BDP1: variants seen among roughly 807,000 people sequenced by gnomAD.
The protein encoded by BDP1 is BDP1 general transcription factor IIIB subunit.
Under a neutral mutation model 266.6 loss-of-function variants are expected in BDP1, and 169 were observed. That is an observed-to-expected ratio of 0.63 (90% CI 0.56 to 0.72). The LOEUF (loss-of-function observed/expected upper bound fraction) is 0.72. Among genes scored for constraint, BDP1 ranks in the 30% least tolerant of loss-of-function variants. The probability of loss-of-function intolerance (pLI) is 0.00; values close to 1 mark genes in which losing one functional copy is unlikely to be tolerated. For synonymous variants in BDP1, 1,090 were observed against 1,022.4 expected, an observed-to-expected ratio of 1.07 and a Z score of -1.26; for missense variants, 3,015 against 3,053.8, an observed-to-expected ratio of 0.99 and a Z score of 0.30.
chr5:71,508,525 C>A (rs181568798), intron 16 of BDP1, among the ~76,000 whole-genome samples: 20 of 151,256 alleles, frequency 1.3e-4, no homozygotes, highest in Admixed American at 1.1e-3. Flanking sequence ...TGGGCTCAAG[C>A]CATCTGCTTC....
At chr5:71,473,525 G>A (rs975386292) in intron 7 of BDP1, among the ~76,000 whole-genome samples, 7 of 151,744 alleles carry the variant, frequency 4.6e-5, no homozygotes, top group Admixed American at 1.3e-4. Flanking sequence ...CGCCTGCCTC[G>A]GCCTCCCAAA....
intron 14 of BDP1, among the ~76,000 whole-genome samples, chr5:71,502,191 T>C (rs1354623154): frequency 2.3e-4 from 17 of 72,796 alleles, no homozygotes; most frequent in Admixed American, 9.6e-4. Flanking sequence ...TTCTCTCTCT[T>C]TTTTTTTTTT....
chr5:71,516,263 T>C lies in BDP1; in HGVS notation c.4852T>C (p.Leu1618=), dbSNP rs753243447. 2 of 1,610,516 alleles carry C rather than the reference T, an allele frequency of 1.2e-6. No individual in the cohort carries two copies. The highest frequency in any genetic ancestry group is 8.5e-7 in the Non-Finnish European group (1 of 1,177,708). Residue 1618 remains leucine (L), a synonymous_variant, in exon 21 of 39, where the codon TTA becomes CTA. Coordinates refer to ENST00000358731, the MANE Select transcript of BDP1 (RefSeq NM_018429.3). ...AAAAGATGAAACTGAAAAGAAAGTC[T>C]TAACTGTGGTGAGTTATTGTTATGT... The part of the protein sequence containing the change: ...LPKDETEKKV[L]TVSNSQIETE...
chr5:71,515,270 TATA>T (rs1765159534), intron 20 of BDP1, 148 bp downstream of exon 20: 4 of 647,408 alleles, frequency 6.2e-6, no homozygotes, highest in Non-Finnish European at 1.0e-5. Context: ...CTGCCTAAAA[TATA>T]ATATCAGATT....
rs182873139 is a variant in BDP1 at position 71,464,096 on chromosome 5, C to T, written c.638C>T (p.Ser213Leu). Reference sequence around the variant, plus strand: ...CAAGAAAAGAAAACTGAAAAGCCATCGACTCCAGTCCAGACAAGAGAGTAA... The same window carrying T: ...CAAGAAAAGAAAACTGAAAAGCCATTGACTCCAGTCCAGACAAGAGAGTAA... ...LEQEKKTEKP[S>L]TPVQTREQEG... The change falls in exon 4 of 39, where the codon TCG becomes TTG. Residue 213 changes from serine to leucine, a missense_variant. This residue lies in a region of BDP1 where 2,383 missense variants were observed against 2,404.9 expected (regional missense o/e 0.99). Coordinates refer to ENST00000358731, the MANE Select transcript of BDP1 (RefSeq NM_018429.3). 5,768 of 1,578,762 alleles carry T rather than the reference C, an allele frequency of 3.7e-3. 23 individuals are homozygous for T. The highest frequency in any genetic ancestry group is 4.5e-3 in the Non-Finnish European group (5,217 of 1,159,828).
downstream of BDP1, among the ~76,000 whole-genome samples, chr5:71,571,954 T>C (rs1744277765): frequency 6.6e-6 from 1 of 152,142 alleles, no homozygotes; most frequent in Non-Finnish European, 1.5e-5. Context: ...CACTGGAGGC[T>C]ACATGATCAA....
chr5:71,548,714 A>C lies in BDP1; in HGVS notation c.6777A>C (p.Gln2259His), dbSNP rs1191918031. ...CAACAAGTATTCCAGAAGTCCAACA[A>C]GAGAATATAATCAATCCTCAAGACC... ...YTPTSIPEVQ[Q>H]ENIINPQDLT... The change falls in exon 33 of 39, where the codon CAA becomes CAC. Residue 2259 changes from glutamine (Q) to histidine (H), a missense_variant. By Grantham distance (24) the Gln-to-His change is conservative. Around this residue, in one of 3 missense-constraint regions of BDP1, gnomAD observed 629 missense variants for 632.5 expected, o/e 0.99. Transcript: ENST00000358731. 6.2e-7 allele frequency: 1 copy of C among 1,608,026 alleles called. No individual in the cohort carries two copies. Among genetic ancestry groups the C allele is most frequent in the South Asian group, 1.1e-5 (1 of 90,806 alleles).
chr5:71,525,452 C>CA (rs1765768272), intron 25 of BDP1, among the ~76,000 whole-genome samples: 1 of 129,298 alleles, frequency 7.7e-6, no homozygotes, highest in Non-Finnish European at 1.7e-5. Context: ...TGACACCCCC[C>CA]ACCTCCCTCC....
At chr5:71,532,560 C>A in intron 26 of BDP1, 133 bp downstream of exon 26, 1 of 798,674 alleles carries the variant, frequency 1.3e-6, no homozygotes, top group Non-Finnish European at 1.9e-6. Flanking sequence ...AGCTGTTAGT[C>A]TGAGTAGTAA....
intron 13 of BDP1, among the ~76,000 whole-genome samples, chr5:71,498,855 C>T (rs1248238132): frequency 6.6e-6 from 1 of 151,906 alleles, no homozygotes. Context: ...TCCTAAGTAG[C>T]TGGGATTGCA....
chr5:71,501,434 A>T (rs1306749999), intron 13 of BDP1, 128 bp from the exon 14 acceptor site: 5 of 599,596 alleles, frequency 8.3e-6, no homozygotes, highest in African/African-American at 5.7e-5. Context: ...TTGGCCTCCC[A>T]AAGTGCTAGG....
intron 19 of BDP1, among the ~76,000 whole-genome samples, chr5:71,514,578 T>G (rs1287305632): frequency 6.6e-6 from 1 of 152,200 alleles, no homozygotes; most frequent in East Asian, 1.9e-4. Flanking sequence ...GTGAGCTTCT[T>G]TTTAGATCAG....
In BDP1 at chr5:71,501,579, T is replaced by G. The variant is rs1338327596; in HGVS notation, c.1974T>G (p.Asp658Glu). 6.3e-7 allele frequency: 1 copy of G among 1,591,408 alleles called. No individual in the cohort carries two copies. The highest frequency in any genetic ancestry group is 8.6e-7 in the Non-Finnish European group (1 of 1,165,360). Residue 658 changes from aspartate (D) to glutamate (E), a missense_variant, in exon 14 of 39, where the codon GAT becomes GAG. Around this residue, in one of 3 missense-constraint regions of BDP1, gnomAD observed 2,383 missense variants for 2,404.9 expected, o/e 0.99. Transcript: ENST00000358731. ...TSVEKNHVEK[D>E]KMNTLDILRM... ...ATTCACAGAACCACGTGGAAAAAGA[T>G]AAAATGAATACATTGGACATTTTGA...
intron 32 of BDP1, chr5:71,545,433 CAG>C: frequency 1.9e-6 from 1 of 531,414 alleles, no homozygotes; most frequent in Non-Finnish European, 3.2e-6. Flanking sequence ...CCAGATTCAA[CAG>C]ATTCTCCTGC....
chr5:71,522,240 CAAG>C, intron 22 of BDP1, 46 bp from the exon 23 acceptor site: 1 of 1,491,470 alleles, frequency 6.7e-7, no homozygotes, highest in Non-Finnish European at 9.2e-7. Flanking sequence ...GTTATATCAA[CAAG>C]AAATTCTGAT....
intron 3 of BDP1, among the ~76,000 whole-genome samples, chr5:71,463,648 C>T (rs988466868): frequency 2.0e-5 from 3 of 151,640 alleles, no homozygotes; most frequent in Admixed American, 6.6e-5. Context: ...ATGGTGAGAC[C>T]TCGTCTCTAC....
At position 71,522,761 on chromosome 5, in the gene BDP1, A is replaced by G; in HGVS notation, c.5199A>G (p.Lys1733=). Residue 1733 remains lysine, a synonymous_variant, in exon 24 of 39, where the codon AAA becomes AAG. Transcript: ENST00000358731. ...ASNTQLLLKE[K]AELLTSLEVS... ...AATTTCTTCTTAAATTTAAGGAAAA[A>G]GCTGAGCTTCTGACATCTCTGGAGG... 1 of 1,583,324 alleles carries G rather than the reference A, an allele frequency of 6.3e-7. No individual in the cohort carries two copies. The highest frequency in any genetic ancestry group is 1.2e-5 in the South Asian group (1 of 84,796).
Position 71,459,350 on chromosome 5 carries a change from A to G in BDP1, c.489+495A>G, listed in dbSNP as rs533708998. 1.2e-4 allele frequency among the ~76,000 whole-genome samples: 19 copies of G among 152,294 alleles called. No homozygotes were observed. In the East Asian group the frequency reaches 3.5e-3, roughly 28 times the overall value. On this transcript the variant is annotated intron_variant, in intron 2 of 38. Transcript: ENST00000358731. ...AACATGGCAAAACCCTGTCTCTACT[A>G]AAAATACAAAAATTAGCTGGGCCTG...
At chr5:71,558,169 G>A (rs468796) in intron 36 of BDP1, among the ~76,000 whole-genome samples, 45,783 of 152,052 alleles carry the variant, frequency 0.3, 7,953 homozygotes, top group East Asian at 0.5. Context: ...TGTTGCTGAT[G>A]GCATCTTACA....
Sources: gnomAD v4.1 joint callset for allele counts (sites outside exome capture counted in the v4.1 genomes callset) on GRCh38, gnomAD v4.1.1 for gene constraint, gnomAD v4.1.1 regional missense constraint, MANE v1.5 for transcripts, NCBI Gene and HGNC (gene_info 2026-07-23, HGNC 2026-07-21) for gene names.